ASIC2: variants seen among roughly 807,000 people sequenced by gnomAD.
ASIC2 encodes the protein acid sensing ion channel subunit 2.
ASIC2 carries 25 observed loss-of-function variants against 57.3 expected under a neutral mutation model. The ratio of observed to expected loss-of-function variants is 0.44; its 90% confidence interval spans 0.32 to 0.61. ASIC2 has a LOEUF of 0.61. ASIC2 is among the 20% of genes least tolerant of loss of function. The pLI, the probability that ASIC2 is intolerant of heterozygous loss-of-function variation, is 0.06. For synonymous variants in ASIC2, 319 were observed against 307.5 expected (o/e 1.04, Z -0.39); for missense variants, 641 against 738.1 (o/e 0.87, Z 1.52).
chr17:33,835,520 T>C (rs752455524), intron 1 of ASIC2, among the ~76,000 whole-genome samples: 2 of 152,194 alleles, frequency 1.3e-5, no homozygotes, highest in African/African-American at 2.4e-5. Context: ...TAACCTTAGA[T>C]TTCCACAATA....
chr17:33,663,086 C>T (rs1408799475), intron 1 of ASIC2, among the ~76,000 whole-genome samples: 5 of 152,132 alleles, frequency 3.3e-5, no homozygotes, highest in Admixed American at 2.0e-4. Flanking sequence ...ACTCAATGCA[C>T]GAGAGACATC....
intron 1 of ASIC2, among the ~76,000 whole-genome samples, chr17:33,229,576 G>C (rs920724190): frequency 6.6e-6 from 1 of 152,228 alleles, no homozygotes; most frequent in South Asian, 2.1e-4. Flanking sequence ...ATGCAAAAGG[G>C]AGAGGGAAGA....
intron 1 of ASIC2, among the ~76,000 whole-genome samples, chr17:33,835,655 T>C (rs1307682508): frequency 6.6e-6 from 1 of 152,208 alleles, no homozygotes; most frequent in Non-Finnish European, 1.5e-5. Flanking sequence ...CTATCTGATT[T>C]CAAATTCTGT....
intron 1 of ASIC2, among the ~76,000 whole-genome samples, chr17:33,595,164 T>C (rs1904944018): frequency 6.6e-6 from 1 of 152,076 alleles, no homozygotes; most frequent in African/African-American, 2.4e-5. Flanking sequence ...AAGTTGAAAT[T>C]GCAGAGAGCC....
chr17:33,909,757 G>T (rs958213106), intron 1 of ASIC2, among the ~76,000 whole-genome samples: 9 of 152,124 alleles, frequency 5.9e-5, no homozygotes, highest in Non-Finnish European at 1.3e-4. Context: ...ATAATTTGGG[G>T]GTGAGAAGAT....
intron 1 of ASIC2, among the ~76,000 whole-genome samples, chr17:34,019,573 T>C (rs1907085370): frequency 6.6e-6 from 1 of 152,226 alleles, no homozygotes; most frequent in Non-Finnish European, 1.5e-5. Context: ...GTTCAGATGA[T>C]CATTAACATT....
intron 1 of ASIC2, among the ~76,000 whole-genome samples, chr17:34,094,995 T>C (rs573399643): frequency 9.8e-5 from 15 of 152,314 alleles, no homozygotes; most frequent in South Asian, 6.2e-4. Flanking sequence ...TATCTGATTG[T>C]TCAGTGTCCT....
intron 1 of ASIC2, among the ~76,000 whole-genome samples, chr17:33,518,966 G>C (rs1304329343): frequency 6.6e-6 from 1 of 151,858 alleles, no homozygotes; most frequent in Non-Finnish European, 1.5e-5. Context: ...GACTACAGGC[G>C]CCCGCCACTG....
chr17:33,530,720 C>G (rs1294883869), intron 1 of ASIC2, among the ~76,000 whole-genome samples: 1 of 152,178 alleles, frequency 6.6e-6, no homozygotes, highest in South Asian at 2.1e-4. Context: ...CCTAGGGAGA[C>G]AGAGGTAGGC....
chr17:34,102,696 T>C (rs947129523), intron 1 of ASIC2, among the ~76,000 whole-genome samples: 5 of 152,254 alleles, frequency 3.3e-5, no homozygotes, highest in South Asian at 2.1e-4. Context: ...TGCAGGAATA[T>C]AGCACAATTT....
At chr17:33,606,884 A>G (rs140377375) in intron 1 of ASIC2, among the ~76,000 whole-genome samples, 1 of 152,142 alleles carries the variant, frequency 6.6e-6, no homozygotes, top group African/African-American at 2.4e-5. Context: ...ACTTCCATCC[A>G]ATCCCATTCT....
At chr17:33,073,502 G>A (rs1321065850) in intron 3 of ASIC2, among the ~76,000 whole-genome samples, 1 of 152,168 alleles carries the variant, frequency 6.6e-6, no homozygotes, top group African/African-American at 2.4e-5. Flanking sequence ...TGGGCACAGG[G>A]AAGCCTATCT....
At chr17:34,118,878 T>C (rs1911509376) in intron 1 of ASIC2, 1 of 152,324 alleles carries the variant, frequency 6.6e-6, no homozygotes. Context: ...GCCTTGAGCA[T>C]GGATAAGAAT....
At chr17:33,359,228 C>A (rs1007272642) in intron 1 of ASIC2, among the ~76,000 whole-genome samples, 1 of 152,214 alleles carries the variant, frequency 6.6e-6, no homozygotes, top group Admixed American at 6.5e-5. Context: ...CTAACTCCCA[C>A]ATGATCCAAA....
At chr17:33,745,003 A>T (rs1464912562) in intron 1 of ASIC2, among the ~76,000 whole-genome samples, 4 of 152,256 alleles carry the variant, frequency 2.6e-5, no homozygotes, top group Non-Finnish European at 5.9e-5. Flanking sequence ...TATTCAATCC[A>T]AAGAACAGAG....
intron 1 of ASIC2, among the ~76,000 whole-genome samples, chr17:33,437,571 G>A (rs1285661410): frequency 6.6e-6 from 1 of 152,114 alleles, no homozygotes; most frequent in African/African-American, 2.4e-5. Flanking sequence ...GGAGGCTGAG[G>A]TGGGCAGATC....
intron 1 of ASIC2, among the ~76,000 whole-genome samples, chr17:33,275,465 G>T (rs1156994886): frequency 6.6e-6 from 1 of 152,228 alleles, no homozygotes; most frequent in East Asian, 1.9e-4. Flanking sequence ...ATCAATTAAT[G>T]ACTCCCAGTG....
At chr17:33,528,487 T>A (rs1914955818) in intron 1 of ASIC2, among the ~76,000 whole-genome samples, 1 of 152,270 alleles carries the variant, frequency 6.6e-6, no homozygotes, top group Non-Finnish European at 1.5e-5. Flanking sequence ...CCCCAGAGAA[T>A]GGAAGAAAGA....
intron 1 of ASIC2, among the ~76,000 whole-genome samples, chr17:33,506,754 A>C (rs1483886128): frequency 6.6e-6 from 1 of 152,220 alleles, no homozygotes; most frequent in Non-Finnish European, 1.5e-5. Flanking sequence ...CAGTTTTCTC[A>C]TATGTAAAAT....
Sources: allele counts gnomAD v4.1 joint callset (sites outside exome capture counted in the v4.1 genomes callset), GRCh38; gene constraint gnomAD v4.1.1; transcripts MANE v1.5; gene names NCBI Gene and HGNC (gene_info 2026-07-23, HGNC 2026-07-21).